The following BRSK2 variants were observed in gnomAD, a reference collection of about 807,000 sequenced individuals.
The protein encoded by BRSK2 is serine/threonine-protein kinase BRSK2.
A neutral mutation model predicts 83.3 loss-of-function variants in BRSK2; 19 were observed. That is an observed-to-expected ratio of 0.23 (90% CI 0.16 to 0.33). The LOEUF is 0.33. Among genes scored for constraint, BRSK2 ranks in the 10% least tolerant of loss-of-function variants. The probability of loss-of-function intolerance (pLI) is 1.00; values close to 1 mark genes in which losing one functional copy is unlikely to be tolerated. For synonymous variants in BRSK2, 519 were observed against 435.4 expected (o/e 1.19, Z -2.39); for missense variants, 798 against 1,042.3 (o/e 0.77, Z 3.23).
At chr11:1,455,432 T>G (rs11606722) in intron 16 of BRSK2, among the ~76,000 whole-genome samples, 60,718 of 151,542 alleles carry the variant, frequency 0.4, 12,792 homozygotes, top group African/African-American at 0.51. Flanking sequence ...GTGGTTCGCT[T>G]CGGCAGCCTC....
intron 5 of BRSK2, 149 bp from the exon 6 acceptor site, chr11:1,442,957 A>G (rs998430355): frequency 3.0e-6 from 3 of 988,322 alleles, no homozygotes; most frequent in African/African-American, 3.3e-5. Context: ...TCTCCTCCCA[A>G]AAGCCCGCCT....
chr11:1,461,068 C>A lies in BRSK2; in HGVS notation c.*345C>A. On this transcript the variant is annotated 3_prime_UTR_variant, in exon 20 of 20. Transcript: ENST00000528841. The stretch of plus-strand genomic sequence containing the variant: ...CGCCCTCCCTCCGCTCCTGCTGTTG[C>A]TGCCGGGCAGTGAGGCCCAGCCCAG... The A allele has an allele frequency of 6.3e-7, 1 of 1,593,520 alleles. No homozygotes were observed. The highest frequency in any genetic ancestry group is 2.2e-5 in the East Asian group (1 of 44,516).
At chr11:1,404,287 G>A (rs1211092160) in intron 1 of BRSK2, among the ~76,000 whole-genome samples, 2 of 152,164 alleles carry the variant, frequency 1.3e-5, no homozygotes, top group Non-Finnish European at 2.9e-5. Context: ...TCCTGTCTCT[G>A]GGCCCCGTGT....
chr11:1,403,401 C>T (rs1590326739), intron 1 of BRSK2, among the ~76,000 whole-genome samples: 1 of 152,140 alleles, frequency 6.6e-6, no homozygotes, highest in Non-Finnish European at 1.5e-5. Context: ...TGCTGGTGCC[C>T]CTGCTGGTGC....
intron 1 of BRSK2, among the ~76,000 whole-genome samples, chr11:1,426,982 T>C (rs1364175095): frequency 1.3e-5 from 2 of 152,120 alleles, no homozygotes; most frequent in African/African-American, 4.8e-5. Context: ...TTTAGTCTGG[T>C]GCGTGCCGGG....
At chr11:1,456,913 C>A in intron 18 of BRSK2, 1 of 1,582,844 alleles carries the variant, frequency 6.3e-7, no homozygotes, top group Non-Finnish European at 8.5e-7. Flanking sequence ...GGACATAGGG[C>A]GCAGCCGCAC....
intron 18 of BRSK2, 49 bp from the exon 19 acceptor site, chr11:1,459,143 G>A (rs760322650): frequency 4.4e-6 from 7 of 1,596,904 alleles, no homozygotes; most frequent in African/African-American, 2.7e-5. Context: ...GAAGGCCCAG[G>A]ACAGCCTTTC....
intron 9 of BRSK2, 96 bp downstream of exon 9, chr11:1,445,098 GCAGGTCCTGCCCTGCCTTGGC>G: frequency 6.5e-7 from 1 of 1,538,088 alleles, no homozygotes; most frequent in Non-Finnish European, 9.0e-7. Context: ...CCGGCCCAGC[GCAGGTCCTGCCCTGCCTTGGC>G]CCTCCGTGGC....
chr11:1,433,338 T>C (rs1156907512), intron 1 of BRSK2, among the ~76,000 whole-genome samples: 3 of 152,256 alleles, frequency 2.0e-5, no homozygotes, highest in Admixed American at 6.5e-5. Flanking sequence ...TGCACCCTCA[T>C]GATGCCCTGG....
At chr11:1,429,140 A>G (rs1849625703) in intron 1 of BRSK2, among the ~76,000 whole-genome samples, 1 of 113,500 alleles carries the variant, frequency 8.8e-6, no homozygotes, top group Non-Finnish European at 1.8e-5. Flanking sequence ...GTGTGTGTGC[A>G]CGTGTGCATG....
chr11:1,456,856 C>A, intron 18 of BRSK2, 169 bp downstream of exon 18: 2 of 1,407,660 alleles, frequency 1.4e-6, no homozygotes, highest in Admixed American at 1.9e-5. Context: ...GGGAGCAGAG[C>A]CCCTCCCTGG....
intron 1 of BRSK2, among the ~76,000 whole-genome samples, chr11:1,428,940 C>T (rs1030044865): frequency 6.1e-5 from 9 of 146,718 alleles, no homozygotes; most frequent in South Asian, 2.2e-4. Context: ...GTACTGGGTG[C>T]GTGTGTGTGC....
intron 12 of BRSK2, among the ~76,000 whole-genome samples, chr11:1,446,646 C>T (rs1440070632): frequency 6.6e-6 from 1 of 151,144 alleles, no homozygotes; most frequent in African/African-American, 2.4e-5. Flanking sequence ...GGGCACCCAG[C>T]CCCTCTGGAG....
At chr11:1,455,847 C>T (rs1564883283) in intron 16 of BRSK2, among the ~76,000 whole-genome samples, 1 of 152,092 alleles carries the variant, frequency 6.6e-6, no homozygotes, top group Non-Finnish European at 1.5e-5. Context: ...CCCCTCGGTA[C>T]TGTGAAGCCC....
rs1286532014 is a variant in BRSK2, at chr11:1,390,391, G to GCGGGGACCGGGGC, written c.91+23_91+35dup. The GCGGGGACCGGGGC allele has an allele frequency of 2.0e-6, 2 of 1,015,472 alleles. No homozygotes were observed. Among genetic ancestry groups the GCGGGGACCGGGGC allele is most frequent in the Non-Finnish European group, 2.4e-6 (2 of 842,414 alleles). 62.9% of individuals were successfully genotyped at this position (1,015,472 alleles called of 1,614,324 possible). ...GGGCAGACAGGTGCGTGCGGCCGGG[G>GCGGGGACCGGGGC]CGGGGACCGGGGCCGGGGAGGCCGC... is the stretch of plus-strand genomic sequence containing the variant. On this transcript the variant is annotated intron_variant, in intron 1 of 19. Transcript: ENST00000528841. The surrounding 1 kb of genome is among the most constrained non-coding windows in gnomAD (Gnocchi z 6.8).
chr11:1,423,020 A>AG lies in BRSK2; in HGVS notation c.92-13016dup, dbSNP rs1477183373. Among the ~76,000 whole-genome samples, 1 of 152,190 alleles carries AG rather than the reference A, an allele frequency of 6.6e-6. No homozygotes were observed. On this transcript the variant is annotated intron_variant, in intron 1 of 19. Transcript: ENST00000528841. The surrounding 1 kb of genome is among the most constrained non-coding windows in gnomAD (Gnocchi z 6.5). Reference sequence around the variant, plus strand: ...AGGGAACAGAGCTTTGCGAAGATCAAGGGGAGGGCAATGCAGCTTGGGAGC... The same window carrying AG: ...AGGGAACAGAGCTTTGCGAAGATCAAGGGGGAGGGCAATGCAGCTTGGGAGC...
intron 8 of BRSK2, among the ~76,000 whole-genome samples, chr11:1,444,068 G>C (rs1356176330): frequency 6.6e-6 from 1 of 151,938 alleles, no homozygotes; most frequent in East Asian, 1.9e-4. Flanking sequence ...ATGAGCACTT[G>C]TACCAGTGTG....
In BRSK2 at chr11:1,454,188, T is replaced by TGGGGGGCTCACCTGG; in HGVS notation, c.1545-295_1545-294insGGGGCTCACCTGGGG. ...GGCTCACCTGTGGGGGGCTCACCTG[T>TGGGGGGCTCACCTGG]GGAGGGGCATCCCCAGACTTGGGAG... is the stretch of plus-strand genomic sequence containing the variant. On this transcript the variant is annotated intron_variant, in intron 15 of 19. Transcript: ENST00000528841. This position sits in a 1 kb window ranked among gnomAD's most constrained non-coding sequence, Gnocchi z 5.2. The TGGGGGGCTCACCTGG allele has an allele frequency of 3.4e-6, 1 of 291,150 alleles. No homozygotes were observed. The highest frequency in any genetic ancestry group is 6.7e-6 in the Non-Finnish European group (1 of 149,704). The allele number at this position is 291,150 out of a possible 1,614,324, so 18.0% of individuals were successfully genotyped here.
At chr11:1,433,355 G>A (rs141102511) in intron 1 of BRSK2, among the ~76,000 whole-genome samples, 46 of 152,376 alleles carry the variant, frequency 3.0e-4, no homozygotes, top group African/African-American at 1.0e-3. Flanking sequence ...CTGGGGCAGG[G>A]TGTGGGCCCT....
Sources: gnomAD v4.1 joint callset for allele counts (sites outside exome capture counted in the v4.1 genomes callset) on GRCh38, gnomAD v4.1.1 for gene constraint, Gnocchi (gnomAD v3.1) non-coding constraint, MANE v1.5 for transcripts, NCBI Gene and HGNC (gene_info 2026-07-23, HGNC 2026-07-21) for gene names.